Variants in CHD5 observed in about 807,000 individuals in gnomAD.
CHD5 encodes the protein ATP-dependent chromatin remodeler CHD5.
CHD5 carries 69 observed loss-of-function variants against 230.3 expected under a neutral mutation model. The ratio of observed to expected loss-of-function variants is 0.30; its 90% CI spans 0.25 to 0.37. The LOEUF (loss-of-function observed/expected upper bound fraction) is 0.37, where lower values mean the gene tolerates loss of function less well. Ranked by LOEUF, CHD5 falls within the 10% of genes least tolerant of loss-of-function variation. CHD5 has a pLI of 1.00. For missense variants in CHD5, 1,827 were observed against 2,622.8 expected, an observed-to-expected ratio of 0.70 and a Z score of 6.63; for synonymous variants, 1,064 against 1,065.9, an observed-to-expected ratio of 1.00 and a Z score of 0.03.
At chr1:6,108,129 T>A (rs1392616411) in intron 38 of CHD5, among the ~76,000 whole-genome samples, 1 of 97,610 alleles carries the variant, frequency 1.0e-5, no homozygotes, top group South Asian at 3.5e-4. Context: ...CATAGAGGGA[T>A]GATGGAGGGA....
In CHD5 at chr1:6,131,521, T is replaced by A. The variant is rs1312524945; in HGVS notation, c.3262+110A>T. On this transcript the variant is annotated intron_variant, in intron 21 of 41. Coordinates refer to ENST00000262450, the MANE Select transcript of CHD5 (RefSeq NM_015557.3). The surrounding 1 kb of genome is among the most constrained non-coding windows in gnomAD (Gnocchi z 5.0). ...GACTGGCCTGCTGTCTTTAGCTGTT[T>A]GTGAGGCTGCTCAACACAACACCAG... 3.0e-6 allele frequency: 2 copies of A among 669,304 alleles called. No homozygotes were observed. The highest frequency in any genetic ancestry group is 5.5e-6 in the Non-Finnish European group (2 of 366,896). The allele number at this position is 669,304 out of a possible 1,614,324, so 41.5% of individuals were successfully genotyped here.
At position 6,128,055 on chromosome 1, in the gene CHD5, C is replaced by T. The variant is rs752988436; in HGVS notation, c.3894G>A (p.Glu1298=). 27 of 1,607,870 alleles carry T rather than the reference C, an allele frequency of 1.7e-5. No individual in the cohort carries two copies. Among genetic ancestry groups the T allele is most frequent in the Non-Finnish European group, 2.3e-5 (27 of 1,177,442 alleles). ...FKVAQYVVRE[E]DGVEEVEREI... is the part of the protein sequence containing the mutation. Reference sequence around the variant, plus strand: ...GGGCCGGGGACCTTACCACGCCGTCCTCCTCGCGCACCACGTACTGCGCCA... The same window carrying T: ...GGGCCGGGGACCTTACCACGCCGTCTTCCTCGCGCACCACGTACTGCGCCA... Residue 1298 remains glutamate, a synonymous_variant, in exon 25 of 42, where the codon GAG becomes GAA. Coordinates refer to ENST00000262450, the MANE Select transcript of CHD5 (RefSeq NM_015557.3). The surrounding 1 kb of genome is among the most constrained non-coding windows in gnomAD (Gnocchi z 7.8).
At chr1:6,111,733 G>A (rs1462071277) in intron 36 of CHD5, 42 bp downstream of exon 36, 2 of 1,529,318 alleles carry the variant, frequency 1.3e-6, no homozygotes, top group Non-Finnish European at 1.8e-6. Context: ...GTCCACGGAG[G>A]AACGGGCAAG....
At chr1:6,119,863 T>C (rs1666441415) in intron 33 of CHD5, among the ~76,000 whole-genome samples, 2 of 118,900 alleles carry the variant, frequency 1.7e-5, no homozygotes, top group African/African-American at 3.4e-5. Flanking sequence ...TATATATATA[T>C]ATTTTTTTTT....
intron 11 of CHD5, among the ~76,000 whole-genome samples, chr1:6,145,624 C>T (rs1024027450): frequency 2.6e-5 from 4 of 152,246 alleles, no homozygotes; most frequent in African/African-American, 7.2e-5. Context: ...CAGGGAACTG[C>T]CAGACTGCTC....
chr1:6,144,214 T>C lies in CHD5; in HGVS notation c.1803-59A>G. ...AGCAGTGGCCACAGCACAGGTTTGA[T>C]GAAGGGCACCTCCCAGGATGCAGAG... On this transcript the variant is annotated intron_variant, in intron 11 of 41. Coordinates refer to ENST00000262450, the MANE Select transcript of CHD5 (RefSeq NM_015557.3). 4.4e-6 allele frequency: 7 copies of C among 1,603,702 alleles called. No homozygotes were observed. The East Asian group carries it at 1.3e-4, about 31-fold the overall frequency.
chr1:6,154,970 GC>G lies in CHD5; in HGVS notation c.507-73del. On this transcript the variant is annotated intron_variant, in intron 4 of 41. Transcript: ENST00000262450. This position sits in a 1 kb window ranked among gnomAD's most constrained non-coding sequence, Gnocchi z 7.0. ...AGAGGCCCACCCGACCCCCGGCAGG[GC>G]CCACCCCTCTGCCACATGTGCGATC... 2 of 1,364,654 alleles carry G rather than the reference GC, an allele frequency of 1.5e-6. No individual in the cohort carries two copies. The highest frequency in any genetic ancestry group is 2.0e-6 in the Non-Finnish European group (2 of 978,460). The allele number at this position is 1,364,654 out of a possible 1,614,324, so 84.5% of individuals were successfully genotyped here. A position where few individuals can be genotyped will look rare whatever the true frequency, so the allele number is the denominator to read the frequency against.
In CHD5 at chr1:6,134,407, G is replaced by A. The variant is rs569643316; in HGVS notation, c.3013-148C>T. On this transcript the variant is annotated intron_variant, in intron 19 of 41. Transcript: ENST00000262450. This position sits in a 1 kb window ranked among gnomAD's most constrained non-coding sequence, Gnocchi z 6.3. ...AACATGAGACCCACACCCGAGCCAGGCCAGGCCCCACAGTGCGGGGTAGAC... is the reference window on the plus strand; with the variant it reads ...AACATGAGACCCACACCCGAGCCAGACCAGGCCCCACAGTGCGGGGTAGAC... 4.7e-4 allele frequency: 493 copies of A among 1,054,056 alleles called. No individual in the cohort carries two copies. The highest frequency in any genetic ancestry group is 1.6e-3 in the Middle Eastern group (5 of 3,216). The allele number at this position is 1,054,056 out of a possible 1,614,324, so 65.3% of individuals were successfully genotyped here.
chr1:6,124,064 T>C lies in CHD5; in HGVS notation c.4583A>G (p.Asp1528Gly). ...CCCCTCGGGCCCCTCAGGGATCAAG[T>C]CTGGGGTGCTGTACTTCCCGTTGAC... is the stretch of plus-strand genomic sequence containing the variant. ...EHVNGKYSTP[D>G]LIPEGPEGKK... Residue 1528 changes from aspartate (D) to glycine (G), a missense_variant, in exon 31 of 42, where the codon GAC becomes GGC. By Grantham distance (94) the Asp-to-Gly change is moderately conservative. Transcript: ENST00000262450. 1 of 1,612,748 alleles carries C rather than the reference T, an allele frequency of 6.2e-7. No homozygotes were observed. The highest frequency in any genetic ancestry group is 2.2e-5 in the East Asian group (1 of 44,726).
At position 6,101,952 on chromosome 1, in the gene CHD5, C is replaced by T. The variant is rs555041659; in HGVS notation, c.*3522G>A. The T allele has an allele frequency of 2.6e-4, 106 of 410,104 alleles. No individual in the cohort carries two copies. Among genetic ancestry groups the T allele is most frequent in the Admixed American group, 4.4e-4 (15 of 34,308 alleles). The allele number at this position is 410,104 out of a possible 1,614,324, so 25.4% of individuals were successfully genotyped here. A position where few individuals can be genotyped will look rare whatever the true frequency, so the allele number is the denominator to read the frequency against. The stretch of plus-strand genomic sequence containing the variant: ...GGAGCCTGGCTTCCAAAGCTGGACC[C>T]GCCCCCGCCGGGGCCACCCTGGCTG... On this transcript the variant is annotated 3_prime_UTR_variant, in exon 42 of 42. Transcript: ENST00000262450.
Position 6,110,576 on chromosome 1 carries a change from C to T in CHD5, c.5250-50G>A, listed in dbSNP as rs766519671. 12 of 1,595,950 alleles carry T rather than the reference C, an allele frequency of 7.5e-6. No individual in the cohort carries two copies. In the Admixed American group the frequency reaches 1.0e-4, roughly 13 times the overall value. ...AACCTGGCCGTTAGAAGTGGTGGGG[C>T]CGTAGGGGGAGGCAGCTCAGGGAGG... On this transcript the variant is annotated intron_variant, in intron 36 of 41. Coordinates refer to ENST00000262450, the MANE Select transcript of CHD5 (RefSeq NM_015557.3).
chr1:6,167,608 G>C lies in CHD5; in HGVS notation c.207+542C>G, dbSNP rs772062769. On this transcript the variant is annotated intron_variant, in intron 2 of 41. Transcript: ENST00000262450. This position sits in a 1 kb window ranked among gnomAD's most constrained non-coding sequence, Gnocchi z 4.5. ...AGCACACTCGGAATGTGTCAGCAGC[G>C]TGGGAAGACAAGGGACGTGTTCACA... Among the ~76,000 whole-genome samples the C allele has an allele frequency of 6.6e-6, 1 of 152,182 alleles. No homozygotes were observed. Among genetic ancestry groups the C allele is most frequent in the Non-Finnish European group, 1.5e-5 (1 of 68,040 alleles).
Position 6,103,929 on chromosome 1 carries a change from C to G in CHD5, c.*1545G>C, listed in dbSNP as rs901768005. On this transcript the variant is annotated 3_prime_UTR_variant, in exon 42 of 42. Transcript: ENST00000262450. ...CAGCCCTGGCCCCCTCAGTCCCAGGCAGGCCCTCTCCAAGGAGCTGAGCCC... is the reference window on the plus strand; with the variant it reads ...CAGCCCTGGCCCCCTCAGTCCCAGGGAGGCCCTCTCCAAGGAGCTGAGCCC... 2 of 152,336 alleles carry G rather than the reference C, an allele frequency of 1.3e-5. No homozygotes were observed. The highest frequency in any genetic ancestry group is 2.4e-5 in the African/African-American group (1 of 41,444). 9.4% of individuals were successfully genotyped at this position (152,336 alleles called of 1,614,324 possible).
At position 6,125,594 on chromosome 1, in the gene CHD5, C is replaced by T. The variant is rs1390434993; in HGVS notation, c.4190G>A (p.Arg1397Gln). Residue 1397 changes from arginine to glutamine, a missense_variant, in exon 28 of 42, where the codon CGG becomes CAG. This residue lies in a region of CHD5 where 137 missense variants were observed against 272.7 expected (regional missense o/e 0.50). Transcript: ENST00000262450. The surrounding 1 kb of genome is among the most constrained non-coding windows in gnomAD (Gnocchi z 6.7). ...PEGQSGRRQS[R>Q]RQLKSDRDKP... ...GTCCCTGTCACTCTTCAGCTGCCTC[C>T]GGGATTGTCGTCGTCCACCTGGGGA... 2.5e-6 allele frequency: 4 copies of T among 1,607,328 alleles called. No individual in the cohort carries two copies. Among genetic ancestry groups the T allele is most frequent in the Non-Finnish European group, 3.4e-6 (4 of 1,176,792 alleles).
Position 6,129,476 on chromosome 1 carries a change from G to A in CHD5, c.3388-407C>T, listed in dbSNP as rs944194489. 6.6e-6 allele frequency among the ~76,000 whole-genome samples: 1 copy of A among 152,148 alleles called. No homozygotes were observed. The highest frequency in any genetic ancestry group is 1.5e-5 in the Non-Finnish European group (1 of 68,018). On this transcript the variant is annotated intron_variant, in intron 22 of 41. Coordinates refer to ENST00000262450, the MANE Select transcript of CHD5 (RefSeq NM_015557.3). This position sits in a 1 kb window ranked among gnomAD's most constrained non-coding sequence, Gnocchi z 6.8. ...CCACAAGACCATGTGCTGGAGACACGCAGCCACCTTCTGAGGGCAGCAAGG... is the reference window on the plus strand; with the variant it reads ...CCACAAGACCATGTGCTGGAGACACACAGCCACCTTCTGAGGGCAGCAAGG...
In CHD5 at chr1:6,112,974, T is replaced by C. The variant is rs779486662; in HGVS notation, c.4937A>G (p.Lys1646Arg). 2 of 1,613,848 alleles carry C rather than the reference T, an allele frequency of 1.2e-6. No individual in the cohort carries two copies. Among genetic ancestry groups the C allele is most frequent in the South Asian group, 2.2e-5 (2 of 91,076 alleles). Residue 1646 changes from lysine to arginine, a missense_variant, in exon 34 of 42, where the codon AAG (lysine) becomes AGG (arginine). This residue lies in a region of CHD5 where 272 missense variants were observed against 263.2 expected (regional missense o/e 1.03). Transcript: ENST00000262450. ...PREEVLPEKEKILDKLELSLI... is the reference protein window; with the variant it reads ...PREEVLPEKERILDKLELSLI... Reference sequence around the variant, plus strand: ...GCTCAGCTCCAGCTTGTCCAGGATCTTCTCCTTCTCAGGAAGCACCTCCTC... The same window carrying C: ...GCTCAGCTCCAGCTTGTCCAGGATCCTCTCCTTCTCAGGAAGCACCTCCTC...
Position 6,112,198 on chromosome 1 carries a change from C to G in CHD5, c.5082G>C (p.Lys1694Asn). The change falls in exon 35 of 42, where the codon AAG becomes AAC. Residue 1694 changes from lysine to asparagine, a missense_variant. By Grantham distance (94) the Lys-to-Asn change is moderately conservative (BLOSUM62 0). Transcript: ENST00000262450. ...ACTTGAATTTCCCCTTCTTGTCCTC[C>G]TTCTTCCCCTCGTCATCTTCCTCTT... ...GDKEEDDEGKKEDKKGKFKFM... is the reference protein window; with the variant it reads ...GDKEEDDEGKNEDKKGKFKFM... 1 of 1,614,134 alleles carries G rather than the reference C, an allele frequency of 6.2e-7. No homozygotes were observed.
chr1:6,152,531 C>T lies in CHD5; in HGVS notation c.751G>A (p.Gly251Arg). ...KAKTKEGKGP[G>R]VRKKIKGSKD... ...GAGCCTTTGATCTTCTTCCTCACTC[C>T]AGGCCCTGAAAAACAGCAGTGATGA... The change falls in exon 6 of 42, where the codon GGA (glycine) becomes AGA (arginine). Residue 251 changes from glycine (G) to arginine (R), a missense_variant. Gly to Arg is a moderately radical substitution (Grantham distance 125, BLOSUM62 -2). Coordinates refer to ENST00000262450, the MANE Select transcript of CHD5 (RefSeq NM_015557.3). 1 of 1,614,056 alleles carries T rather than the reference C, an allele frequency of 6.2e-7. No individual in the cohort carries two copies.
chr1:6,152,325 G>C (rs2100866599), intron 6 of CHD5, 87 bp downstream of exon 6: 1 of 1,476,058 alleles, frequency 6.8e-7, no homozygotes, highest in Admixed American at 2.0e-5. Context: ...GTAATGAACT[G>C]AAGGCCCTCG....
Sources: gnomAD v4.1 joint callset for allele counts (sites outside exome capture counted in the v4.1 genomes callset) on GRCh38, gnomAD v4.1.1 for gene constraint, gnomAD v4.1.1 regional missense constraint, Gnocchi (gnomAD v3.1) non-coding constraint, MANE v1.5 for transcripts, NCBI Gene and HGNC (gene_info 2026-07-23, HGNC 2026-07-21) for gene names.